The following IDE variants were observed in gnomAD, a reference collection of about 807,000 sequenced individuals.
The protein encoded by IDE is insulin-degrading enzyme.
A neutral mutation model predicts 133.2 loss-of-function variants in IDE; 58 were observed. The ratio of observed to expected loss-of-function variants is 0.44; its 90% CI spans 0.35 to 0.54. The LOEUF (loss-of-function observed/expected upper bound fraction) is 0.54, where lower values mean the gene tolerates loss of function less well. Among genes scored for constraint, IDE ranks in the 20% least tolerant of loss-of-function variants. IDE has a pLI of 0.00. For missense variants in IDE, 981 were observed against 1,234.0 expected (o/e 0.79, Z 3.07); for synonymous variants, 396 against 421.3 (o/e 0.94, Z 0.73).
At chr10:92,485,733 A>C (rs942616262) in intron 13 of IDE, among the ~76,000 whole-genome samples, 15 of 152,148 alleles carry the variant, frequency 9.9e-5, no homozygotes, top group African/African-American at 3.6e-4. Context: ...ACTTGAGGCC[A>C]GGAGTTCTAG....
chr10:92,544,760 T>C (rs892622270), intron 1 of IDE, among the ~76,000 whole-genome samples: 1 of 152,128 alleles, frequency 6.6e-6, no homozygotes, highest in African/African-American at 2.4e-5. Context: ...ACACAGGTAG[T>C]AGGGGGAGTC....
intron 11 of IDE, among the ~76,000 whole-genome samples, chr10:92,500,738 C>T (rs539078935): frequency 1.3e-5 from 2 of 151,824 alleles, no homozygotes; most frequent in South Asian, 4.2e-4. Flanking sequence ...TGGTTTAATT[C>T]CTCCCACATT....
chr10:92,550,677 G>C (rs10882079), intron 1 of IDE, among the ~76,000 whole-genome samples: 34,621 of 138,666 alleles, frequency 0.25, 4,510 homozygotes, highest in Non-Finnish European at 0.27. Context: ...AAAAAAAATC[G>C]TGGCCAACAT....
intron 3 of IDE, among the ~76,000 whole-genome samples, chr10:92,534,233 C>T (rs1775489889): frequency 2.6e-5 from 4 of 152,180 alleles, no homozygotes; most frequent in Middle Eastern, 3.4e-3. Flanking sequence ...AGGAAATGAA[C>T]GAGGAGAGAA....
intron 17 of IDE, among the ~76,000 whole-genome samples, chr10:92,471,695 T>C (rs2135378359): frequency 6.6e-6 from 1 of 152,084 alleles, no homozygotes; most frequent in East Asian, 1.9e-4. Context: ...AGAAACCCCA[T>C]CTAATTGATC....
intron 1 of IDE, among the ~76,000 whole-genome samples, chr10:92,563,563 C>T (rs1843382591): frequency 6.7e-6 from 1 of 149,274 alleles, no homozygotes; most frequent in East Asian, 2.0e-4. Context: ...CCATCCTGGC[C>T]AACATGGTGA....
chr10:92,455,462 CTGAG>C (rs1844943395), intron 24 of IDE, 110 bp downstream of exon 24: 2 of 679,618 alleles, frequency 2.9e-6, no homozygotes, highest in African/African-American at 1.8e-5. Flanking sequence ...GCCTGGGTGA[CTGAG>C]TGAGACTCCA....
rs568744539 is a variant in IDE at position 92,563,227 on chromosome 10, G to A, written c.98+10695C>T. ...GACCACATCATTGCACTCCAGCCTG[G>A]GCAACAAGAGCAAAACTCCACCTCG... On this transcript the variant is annotated intron_variant, in intron 1 of 24. Transcript: ENST00000265986. 4.6e-5 allele frequency among the ~76,000 whole-genome samples: 7 copies of A among 151,978 alleles called. No homozygotes were observed. In the South Asian group the frequency reaches 1.5e-3, roughly 32 times the overall value.
rs914257842 is a variant in IDE at position 92,453,478 on chromosome 10, T to C, written c.*966A>G. The C allele has an allele frequency of 1.3e-5, 2 of 152,194 alleles. No individual in the cohort carries two copies. The highest frequency in any genetic ancestry group is 2.9e-5 in the Non-Finnish European group (2 of 68,042). The allele number at this position is 152,194 out of a possible 1,614,324, so 9.4% of individuals were successfully genotyped here. A position where few individuals can be genotyped will look rare whatever the true frequency, so the allele number is the denominator to read the frequency against. On this transcript the variant is annotated 3_prime_UTR_variant, in exon 25 of 25. Transcript: ENST00000265986. ...TTATATTTCCAAAAAGGTGGCTTTG[T>C]ATTGGCTGCCTTTTAAATTCATAAA...
intron 4 of IDE, among the ~76,000 whole-genome samples, chr10:92,523,727 G>A (rs1002754859): frequency 4.1e-5 from 6 of 145,152 alleles, no homozygotes; most frequent in South Asian, 2.2e-4. Flanking sequence ...AAAAAGTCAC[G>A]CACACCTAAA....
intron 19 of IDE, 94 bp downstream of exon 19, chr10:92,468,785 T>C (rs1845816363): frequency 4.8e-6 from 3 of 622,136 alleles, no homozygotes; most frequent in Non-Finnish European, 8.7e-6. Context: ...AGTAAATCTT[T>C]GGCGTAAAAC....
At chr10:92,542,036 C>G (rs1269674252) in intron 1 of IDE, among the ~76,000 whole-genome samples, 1 of 152,202 alleles carries the variant, frequency 6.6e-6, no homozygotes, top group Non-Finnish European at 1.5e-5. Context: ...CACATCCAAA[C>G]AAACACTTAA....
chr10:92,505,580 A>G (rs1194312634), intron 10 of IDE, among the ~76,000 whole-genome samples: 1 of 152,206 alleles, frequency 6.6e-6, no homozygotes, highest in African/African-American at 2.4e-5. Flanking sequence ...TGTAATTGGG[A>G]GGGAGGCAGA....
intron 5 of IDE, among the ~76,000 whole-genome samples, chr10:92,512,557 AT>A (rs1256764751): frequency 7.6e-6 from 1 of 130,786 alleles, no homozygotes; most frequent in Admixed American, 8.0e-5. Context: ...TACAACATAG[AT>A]TAAAAAAAAA....
In IDE at chr10:92,544,248, AAGAT is replaced by A. The variant is rs1842438731; in HGVS notation, c.99-6702_99-6699del. On this transcript the variant is annotated intron_variant, in intron 1 of 24. Coordinates refer to ENST00000265986, the MANE Select transcript of IDE (RefSeq NM_004969.4). Reference sequence around the variant, plus strand: ...ACACCATCTCAAAAAAAAAAAAAAAAAGATAGAATACCATTGTACAAATCTAATC... The same window carrying A: ...ACACCATCTCAAAAAAAAAAAAAAAAAGAATACCATTGTACAAATCTAATC... Among the ~76,000 whole-genome samples, 9 of 152,042 alleles carry A rather than the reference AAGAT, an allele frequency of 5.9e-5. No homozygotes were observed. In the South Asian group the frequency reaches 1.9e-3, roughly 32 times the overall value.
At chr10:92,541,326 G>C in intron 1 of IDE, 1 of 470,596 alleles carries the variant, frequency 2.1e-6, no homozygotes, top group Non-Finnish European at 4.4e-6. Context: ...CAATGACTGG[G>C]AACTCTTCCT....
chr10:92,524,383 AATATATTTT>A (rs1849437186), intron 4 of IDE, among the ~76,000 whole-genome samples: 1 of 85,184 alleles, frequency 1.2e-5, no homozygotes, highest in East Asian at 2.8e-4. Context: ...TATTATATAT[AATATATTTT>A]ATATAATATA....
chr10:92,479,172 T>TAAA, intron 15 of IDE, 105 bp downstream of exon 15: 5 of 628,936 alleles, frequency 7.9e-6, no homozygotes, highest in South Asian at 3.3e-5. Context: ...CCATAAAGAT[T>TAAA]AAAAAAAAAA....
chr10:92,479,932 T>C (rs532001114), intron 14 of IDE, among the ~76,000 whole-genome samples: 2 of 152,226 alleles, frequency 1.3e-5, no homozygotes, highest in Non-Finnish European at 2.9e-5. Flanking sequence ...TGTGAAAATG[T>C]TAGCTTATCC....
Sources: allele counts gnomAD v4.1 joint callset (sites outside exome capture counted in the v4.1 genomes callset), GRCh38; gene constraint gnomAD v4.1.1; transcripts MANE v1.5; gene names NCBI Gene and HGNC (gene_info 2026-07-23, HGNC 2026-07-21).